Variants in PAPPA2 observed in about 807,000 individuals in gnomAD.
The protein encoded by PAPPA2 is pappalysin 2.
In PAPPA2, 86 loss-of-function variants were observed where a neutral mutation model predicts 176.4. The observed-to-expected ratio is 0.49, with a 90% CI of 0.41 to 0.58. The LOEUF (loss-of-function observed/expected upper bound fraction) is 0.58. PAPPA2 is among the 20% of genes least tolerant of loss of function. The pLI, the probability that PAPPA2 is intolerant of heterozygous loss-of-function variation, is 0.00. For synonymous variants in PAPPA2, 809 were observed against 852.2 expected (o/e 0.95, Z 0.88); for missense variants, 2,073 against 2,256.9 (o/e 0.92, Z 1.65).
intron 3 of PAPPA2, among the ~76,000 whole-genome samples, chr1:176,615,205 T>C (rs1166522356): frequency 6.6e-6 from 1 of 152,240 alleles, no homozygotes; most frequent in African/African-American, 2.4e-5. Flanking sequence ...CCCTCCCTGT[T>C]AAGCTGCACC....
chr1:176,474,203 T>C (rs1191625917), intron 1 of PAPPA2, among the ~76,000 whole-genome samples: 2 of 152,236 alleles, frequency 1.3e-5, no homozygotes, highest in African/African-American at 4.8e-5. Flanking sequence ...ACTTATTTTT[T>C]ACTTACTTTA....
chr1:176,642,435 T>A (rs955349111), intron 3 of PAPPA2, among the ~76,000 whole-genome samples: 1 of 151,734 alleles, frequency 6.6e-6, no homozygotes, highest in African/African-American at 2.4e-5. Context: ...CTGAGCAGCA[T>A]AGGTGAGTGT....
At chr1:176,493,911 A>T (rs993269251) in intron 1 of PAPPA2, among the ~76,000 whole-genome samples, 12 of 152,208 alleles carry the variant, frequency 7.9e-5, no homozygotes, top group Non-Finnish European at 1.3e-4. Flanking sequence ...TCTTAGTTAG[A>T]GAATTTTTTT....
Position 176,702,677 on chromosome 1 carries a change from T to G in PAPPA2, c.3307T>G (p.Ser1103Ala). The G allele has an allele frequency of 6.2e-7, 1 of 1,613,632 alleles. No individual in the cohort carries two copies. Among genetic ancestry groups the G allele is most frequent in the African/African-American group, 1.3e-5 (1 of 74,876 alleles). ...AEAGGELGEASPPLNHIHGAP... is the reference protein window; with the variant it reads ...AEAGGELGEAAPPLNHIHGAP... ...AGCTGGAGGAGAACTGGGAGAAGCT[T>G]CGCCTCCTCTGAACCACATTCATGG... is the stretch of plus-strand genomic sequence containing the variant. The change falls in exon 9 of 23, where the codon TCG becomes GCG. Residue 1103 changes from serine to alanine, a missense_variant. This residue lies in a region of PAPPA2 where 846 missense variants were observed against 857.9 expected (regional missense o/e 0.99). Transcript: ENST00000367662.
At chr1:176,467,331 G>A (rs1320012127) in intron 1 of PAPPA2, among the ~76,000 whole-genome samples, 1 of 152,202 alleles carries the variant, frequency 6.6e-6, no homozygotes, top group Non-Finnish European at 1.5e-5. Context: ...AGCAAGCTGA[G>A]GAGCTTTTCT....
At chr1:176,586,608 T>G (rs1285471599) in intron 2 of PAPPA2, among the ~76,000 whole-genome samples, 7 of 152,172 alleles carry the variant, frequency 4.6e-5, no homozygotes, top group Non-Finnish European at 5.9e-5. Flanking sequence ...CATGGCTGTG[T>G]GAAGGACATG....
At chr1:176,593,527 G>A (rs1397006290) in intron 2 of PAPPA2, among the ~76,000 whole-genome samples, 2 of 152,226 alleles carry the variant, frequency 1.3e-5, no homozygotes, top group East Asian at 3.8e-4. Context: ...TACTGAGGAG[G>A]AGATGGTGGG....
intron 2 of PAPPA2, among the ~76,000 whole-genome samples, chr1:176,561,715 C>T (rs1223362862): frequency 6.6e-6 from 1 of 152,130 alleles, no homozygotes; most frequent in Non-Finnish European, 1.5e-5. Context: ...AAGCTATGTC[C>T]ACTCCCTAGA....
chr1:176,743,490 G>A (rs1300932281), intron 14 of PAPPA2, among the ~76,000 whole-genome samples: 1 of 152,114 alleles, frequency 6.6e-6, no homozygotes, highest in Non-Finnish European at 1.5e-5. Context: ...TTACCCTCCA[G>A]TTGTTTCCAG....
chr1:176,664,590 A>G (rs1248521302), intron 3 of PAPPA2, among the ~76,000 whole-genome samples: 1 of 152,180 alleles, frequency 6.6e-6, no homozygotes, highest in African/African-American at 2.4e-5. Flanking sequence ...ACATATTCCC[A>G]GCTTCCAGGG....
intron 1 of PAPPA2, among the ~76,000 whole-genome samples, chr1:176,488,344 A>G (rs1463055376): frequency 1.3e-5 from 2 of 152,152 alleles, no homozygotes; most frequent in Admixed American, 1.3e-4. Context: ...ATCTATCCCC[A>G]TATATATTGG....
intron 9 of PAPPA2, among the ~76,000 whole-genome samples, 187 bp downstream of exon 9, chr1:176,702,922 G>C (rs1208806551): frequency 3.3e-5 from 5 of 152,038 alleles, no homozygotes; most frequent in Non-Finnish European, 7.4e-5. Context: ...TAAAATCTGG[G>C]ACTTGGTTGT....
intron 3 of PAPPA2, among the ~76,000 whole-genome samples, chr1:176,662,131 A>G (rs557146215): frequency 1.3e-5 from 2 of 152,300 alleles, no homozygotes; most frequent in Admixed American, 6.5e-5. Context: ...GAAAGAATGC[A>G]TGCTTGGGAA....
At chr1:176,530,779 A>C (rs1649766970) in intron 1 of PAPPA2, among the ~76,000 whole-genome samples, 1 of 152,178 alleles carries the variant, frequency 6.6e-6, no homozygotes, top group African/African-American at 2.4e-5. Context: ...AAAATGACAT[A>C]ATTCTATATT....
At chr1:176,736,331 A>G (rs1029881739) in intron 12 of PAPPA2, among the ~76,000 whole-genome samples, 4 of 150,916 alleles carry the variant, frequency 2.7e-5, no homozygotes, top group African/African-American at 9.7e-5. Context: ...AATAGTCTGG[A>G]CTCTATATAT....
chr1:176,824,978 T>C (rs1384135854), intron 21 of PAPPA2, among the ~76,000 whole-genome samples: 4 of 152,188 alleles, frequency 2.6e-5, no homozygotes, highest in Non-Finnish European at 5.9e-5. Context: ...TCTTGCTCAT[T>C]GGCCAGATTG....
At chr1:176,634,704 G>C (rs7529392) in intron 3 of PAPPA2, among the ~76,000 whole-genome samples, 1 of 151,646 alleles carries the variant, frequency 6.6e-6, no homozygotes, top group African/African-American at 2.4e-5. Flanking sequence ...GATGAAGACA[G>C]ATGTCTGTAG....
chr1:176,543,692 G>T (rs1179167237), intron 1 of PAPPA2, among the ~76,000 whole-genome samples: 2 of 152,292 alleles, frequency 1.3e-5, no homozygotes, highest in South Asian at 2.1e-4. Flanking sequence ...GTGTTCTTGT[G>T]GCACAAATTG....
intron 4 of PAPPA2, among the ~76,000 whole-genome samples, chr1:176,681,857 G>A (rs912054580): frequency 6.6e-6 from 1 of 152,184 alleles, no homozygotes; most frequent in African/African-American, 2.4e-5. Flanking sequence ...GTAAGCAATG[G>A]TGGGTGGTCT....
Sources: gnomAD v4.1 joint callset for allele counts (sites outside exome capture counted in the v4.1 genomes callset) on GRCh38, gnomAD v4.1.1 for gene constraint, gnomAD v4.1.1 regional missense constraint, MANE v1.5 for transcripts, NCBI Gene and HGNC (gene_info 2026-07-23, HGNC 2026-07-21) for gene names.